Variants in BMERB1 observed in about 807,000 individuals in gnomAD.
The protein encoded by BMERB1 is bMERB domain-containing protein 1.
A neutral mutation model predicts 23.6 loss-of-function variants in BMERB1; 12 were observed. The observed-to-expected ratio is 0.51, with a 90% CI of 0.33 to 0.82. The LOEUF (loss-of-function observed/expected upper bound fraction) is 0.82. BMERB1 is among the 40% of genes least tolerant of loss of function. The pLI, the probability that BMERB1 is intolerant of heterozygous loss-of-function variation, is 0.03. For synonymous variants in BMERB1, 122 were observed against 96.6 expected, an observed-to-expected ratio of 1.26 and a Z score of -1.54; for missense variants, 247 against 255.4, an observed-to-expected ratio of 0.97 and a Z score of 0.22.
intron 2 of BMERB1, among the ~76,000 whole-genome samples, chr16:15,542,918 A>G (rs974431810): frequency 1.3e-5 from 2 of 152,066 alleles, no homozygotes; most frequent in East Asian, 3.9e-4. Context: ...ATGTGTTACA[A>G]TTAATACTCT....
rs1009895624 is a variant in BMERB1 at position 15,574,444 on chromosome 16, A to C, written c.304+6388A>C. ...AAAAGGCTGTTATCGTCTTTGTTTT[A>C]AATGATAAAGTAAGTTCCTCCCATA... On this transcript the variant is annotated intron_variant, in intron 3 of 5. Transcript: ENST00000300006. Among the ~76,000 whole-genome samples, 16 of 152,138 alleles carry C rather than the reference A, an allele frequency of 1.1e-4. 1 individual carries two copies. The highest frequency in any genetic ancestry group is 4.4e-5 in the Non-Finnish European group (3 of 68,032).
intron 1 of BMERB1, among the ~76,000 whole-genome samples, chr16:15,462,355 T>A (rs1012407631): frequency 2.0e-5 from 3 of 151,974 alleles, no homozygotes; most frequent in African/African-American, 7.3e-5. Context: ...GGTTTCACTA[T>A]GTTGGCCAGG....
At chr16:15,471,148 T>C (rs866746617) in intron 1 of BMERB1, among the ~76,000 whole-genome samples, 8 of 152,156 alleles carry the variant, frequency 5.3e-5, no homozygotes, top group Admixed American at 3.3e-4. Context: ...AGTGTTACCT[T>C]TTCTATTTTC....
chr16:15,519,037 ATTCT>A (rs1374257944), intron 2 of BMERB1, among the ~76,000 whole-genome samples: 1 of 149,262 alleles, frequency 6.7e-6, no homozygotes. Context: ...GCAATAAATT[ATTCT>A]TTCTCACTCC....
intron 4 of BMERB1, among the ~76,000 whole-genome samples, chr16:15,582,405 A>C (rs2031036970): frequency 6.6e-6 from 1 of 152,204 alleles, no homozygotes; most frequent in Non-Finnish European, 1.5e-5. Context: ...CATCTCAAAA[A>C]CAAAACAAAA....
At chr16:15,515,044 C>T (rs998439729) in intron 1 of BMERB1, among the ~76,000 whole-genome samples, 8 of 152,142 alleles carry the variant, frequency 5.3e-5, no homozygotes, top group South Asian at 2.1e-4. Context: ...ATCGCTTCAC[C>T]GCACTCCAGC....
Position 15,580,262 on chromosome 16 carries a change from A to T in BMERB1, c.305-955A>T, listed in dbSNP as rs143841914. ...CAGGAACACTCCATCACATGTGGCTAATTTACAGAGAAAATTTTTGTAGAC... is the reference window on the plus strand; with the variant it reads ...CAGGAACACTCCATCACATGTGGCTTATTTACAGAGAAAATTTTTGTAGAC... On this transcript the variant is annotated intron_variant, in intron 3 of 5. Coordinates refer to ENST00000300006, the MANE Select transcript of BMERB1 (RefSeq NM_033201.3). 1.9e-3 allele frequency among the ~76,000 whole-genome samples: 282 copies of T among 152,084 alleles called. 1 individual carries two copies. Among genetic ancestry groups the T allele is most frequent in the African/African-American group, 6.5e-3 (269 of 41,494 alleles).
chr16:15,587,709 A>AAGAAC lies in BMERB1; in HGVS notation c.*883_*887dup, dbSNP rs1413597596. On this transcript the variant is annotated 3_prime_UTR_variant, in exon 6 of 6. Coordinates refer to ENST00000300006, the MANE Select transcript of BMERB1 (RefSeq NM_033201.3). ...CCAGCCCGACACACGGACCTTTGTAAAGAACAGCAACAGGCAGGAGAGGCA... is the reference window on the plus strand; with the variant it reads ...CCAGCCCGACACACGGACCTTTGTAAAGAACAGAACAGCAACAGGCAGGAGAGGCA... The AAGAAC allele has an allele frequency of 6.3e-5, 18 of 284,196 alleles. No individual in the cohort carries two copies. The highest frequency in any genetic ancestry group is 4.0e-4 in the African/African-American group (18 of 44,518). 17.6% of individuals were successfully genotyped at this position (284,196 alleles called of 1,614,324 possible).
At chr16:15,583,390 C>T in intron 5 of BMERB1, 152 bp downstream of exon 5, 1 of 654,568 alleles carries the variant, frequency 1.5e-6, no homozygotes, top group Non-Finnish European at 2.7e-6. Context: ...CCAGCCTGGT[C>T]AACATGGTGA....
At chr16:15,481,962 C>T (rs1373883833) in intron 1 of BMERB1, among the ~76,000 whole-genome samples, 4 of 151,808 alleles carry the variant, frequency 2.6e-5, no homozygotes, top group African/African-American at 9.7e-5. Context: ...AACTCCTGAC[C>T]TCAAGTGATC....
At chr16:15,520,463 C>T (rs578062331) in intron 2 of BMERB1, among the ~76,000 whole-genome samples, 2 of 149,208 alleles carry the variant, frequency 1.3e-5, no homozygotes, top group Non-Finnish European at 3.0e-5. Context: ...CCCAATAGTC[C>T]CATCATAGAT....
intron 2 of BMERB1, among the ~76,000 whole-genome samples, chr16:15,559,272 G>T (rs1291205623): frequency 6.6e-6 from 1 of 152,212 alleles, no homozygotes; most frequent in Non-Finnish European, 1.5e-5. Context: ...TCTAGCCAAA[G>T]CAAATGGGAT....
chr16:15,465,555 G>T (rs746829402), intron 1 of BMERB1, among the ~76,000 whole-genome samples: 1 of 152,110 alleles, frequency 6.6e-6, no homozygotes, highest in South Asian at 2.1e-4. Context: ...GTTTCACCAC[G>T]TTGGCCAGGC....
At position 15,477,765 on chromosome 16, in the gene BMERB1, CTG is replaced by C. The variant is rs143537425; in HGVS notation, c.107-37536_107-37535del. On this transcript the variant is annotated intron_variant, in intron 1 of 5. Coordinates refer to ENST00000300006, the MANE Select transcript of BMERB1 (RefSeq NM_033201.3). The stretch of plus-strand genomic sequence containing the variant: ...TTCCAGGTCAGAGGCTTTTCCTTTA[CTG>C]TGTCTGGGATGTTGGGGTATATGGA... 1.3e-3 allele frequency among the ~76,000 whole-genome samples: 199 copies of C among 150,572 alleles called. 3 individuals are homozygous for C. In the East Asian group the frequency reaches 0.039, roughly 29 times the overall value.
chr16:15,485,544 T>C (rs1193151255), intron 1 of BMERB1, among the ~76,000 whole-genome samples: 1 of 152,120 alleles, frequency 6.6e-6, no homozygotes, highest in Admixed American at 6.5e-5. Flanking sequence ...CCCTGAGAAA[T>C]GGGACTTAGG....
intron 1 of BMERB1, among the ~76,000 whole-genome samples, chr16:15,448,303 G>C (rs1049059042): frequency 2.6e-5 from 4 of 152,190 alleles, no homozygotes; most frequent in Non-Finnish European, 5.9e-5. Flanking sequence ...CCCATGATGA[G>C]GGCTGTATGT....
At chr16:15,522,679 G>A (rs985363506) in intron 2 of BMERB1, among the ~76,000 whole-genome samples, 4 of 152,186 alleles carry the variant, frequency 2.6e-5, no homozygotes, top group Non-Finnish European at 5.9e-5. Context: ...AAGTCCAGAT[G>A]AAATGGGAAA....
intron 3 of BMERB1, among the ~76,000 whole-genome samples, chr16:15,578,557 T>C (rs927264014): frequency 5.9e-5 from 9 of 152,118 alleles, no homozygotes; most frequent in African/African-American, 1.9e-4. Flanking sequence ...ACATGAACTT[T>C]GGGGGTGCCT....
At position 15,517,923 on chromosome 16, in the gene BMERB1, GGAT is replaced by G. The variant is rs1346611372; in HGVS notation, c.230+2497_230+2499del. Reference sequence around the variant, plus strand: ...TCTGTGTGTGTGTATGTGTGTGTGAGGATGTGTGTGTGCATGTGTGGGTGTGTG... The same window carrying G: ...TCTGTGTGTGTGTATGTGTGTGTGAGGTGTGTGTGCATGTGTGGGTGTGTG... On this transcript the variant is annotated intron_variant, in intron 2 of 5. Coordinates refer to ENST00000300006, the MANE Select transcript of BMERB1 (RefSeq NM_033201.3). 3.4e-5 allele frequency among the ~76,000 whole-genome samples: 5 copies of G among 148,022 alleles called. No individual in the cohort carries two copies. The East Asian group carries it at 8.0e-4, about 24-fold the overall frequency.
Sources: allele counts gnomAD v4.1 joint callset (sites outside exome capture counted in the v4.1 genomes callset), GRCh38; gene constraint gnomAD v4.1.1; transcripts MANE v1.5; gene names NCBI Gene and HGNC (gene_info 2026-07-23, HGNC 2026-07-21).